The following XPO1 variants were observed in gnomAD, a reference collection of about 807,000 sequenced individuals.
The protein encoded by XPO1 is exportin-1.
XPO1 carries 5 observed loss-of-function variants against 133.3 expected under a neutral mutation model. The ratio of observed to expected loss-of-function variants is 0.04; its 90% confidence interval spans 0.02 to 0.08. The LOEUF is 0.08. Among genes scored for constraint, XPO1 ranks in the 10% least tolerant of loss-of-function variants. XPO1 has a pLI of 1.00. For missense variants in XPO1, 506 were observed against 1,267.5 expected, an observed-to-expected ratio of 0.40 and a Z score of 9.12; for synonymous variants, 419 against 408.2, an observed-to-expected ratio of 1.03 and a Z score of -0.32.
Position 61,478,020 on chromosome 2 carries a change from T to C in XPO1, c.*800A>G, listed in dbSNP as rs1696144498. ...AAACAATGTAAATTAGTATAAGTCATCTCAAAAGCCAGAGTTGTTTTGTTT... is the reference window on the plus strand; with the variant it reads ...AAACAATGTAAATTAGTATAAGTCACCTCAAAAGCCAGAGTTGTTTTGTTT... On this transcript the variant is annotated 3_prime_UTR_variant, in exon 25 of 25. Coordinates refer to ENST00000401558, the MANE Select transcript of XPO1 (RefSeq NM_003400.4). 8.6e-6 allele frequency: 2 copies of C among 232,506 alleles called. No individual in the cohort carries two copies. The highest frequency in any genetic ancestry group is 5.6e-5 in the Admixed American group (1 of 17,746). The allele number at this position is 232,506 out of a possible 1,614,324, so 14.4% of individuals were successfully genotyped here. A position where few individuals can be genotyped will look rare whatever the true frequency, so the allele number is the denominator to read the frequency against.
At chr2:61,487,221 T>C (rs899655121) in intron 19 of XPO1, among the ~76,000 whole-genome samples, 1 of 151,998 alleles carries the variant, frequency 6.6e-6, no homozygotes, top group Non-Finnish European at 1.5e-5. Flanking sequence ...TGAACAAATA[T>C]CCCAAACTTT....
chr2:61,515,147 A>C lies in XPO1; in HGVS notation c.301+7464T>G, dbSNP rs563927059. 3.0e-4 allele frequency among the ~76,000 whole-genome samples: 45 copies of C among 152,116 alleles called. No individual in the cohort carries two copies. The East Asian group carries it at 8.5e-3, about 29-fold the overall frequency. On this transcript the variant is annotated intron_variant, in intron 4 of 24. Coordinates refer to ENST00000401558, the MANE Select transcript of XPO1 (RefSeq NM_003400.4). Reference sequence around the variant, plus strand: ...CAAGTGACAACAAGCACATGTGAAGAGGGGCAGTGAAGGTGAAAGTAATCG... The same window carrying C: ...CAAGTGACAACAAGCACATGTGAAGCGGGGCAGTGAAGGTGAAAGTAATCG...
In XPO1 at chr2:61,477,980, G is replaced by A. The variant is rs181689035; in HGVS notation, c.*840C>T. 4.3e-6 allele frequency: 1 copy of A among 231,534 alleles called. No homozygotes were observed. Among genetic ancestry groups the A allele is most frequent in the Admixed American group, 5.6e-5 (1 of 17,716 alleles). 14.3% of individuals were successfully genotyped at this position (231,534 alleles called of 1,614,324 possible). A position where few individuals can be genotyped will look rare whatever the true frequency, so the allele number is the denominator to read the frequency against. On this transcript the variant is annotated 3_prime_UTR_variant, in exon 25 of 25. Coordinates refer to ENST00000401558, the MANE Select transcript of XPO1 (RefSeq NM_003400.4). Reference sequence around the variant, plus strand: ...TTGCTTTTTAAGTAGTGTTCTTAAAGCACTACAGCTTGGTAAACAATGTAA... The same window carrying A: ...TTGCTTTTTAAGTAGTGTTCTTAAAACACTACAGCTTGGTAAACAATGTAA...
chr2:61,518,439 C>G (rs1698517823), intron 4 of XPO1, among the ~76,000 whole-genome samples: 1 of 144,128 alleles, frequency 6.9e-6, no homozygotes, highest in African/African-American at 2.8e-5. Context: ...CACACACACA[C>G]ACACACACAC....
Position 61,478,767 on chromosome 2 carries a change from T to C in XPO1, c.*53A>G. On this transcript the variant is annotated 3_prime_UTR_variant, in exon 25 of 25. Coordinates refer to ENST00000401558, the MANE Select transcript of XPO1 (RefSeq NM_003400.4). ...TTTTGGTCGACAAATACCCACATGC[T>C]GTTTTCCTCTGCTAACGAGTTGCAG... 6.3e-7 allele frequency: 1 copy of C among 1,586,634 alleles called. No individual in the cohort carries two copies. The highest frequency in any genetic ancestry group is 1.3e-5 in the African/African-American group (1 of 74,396).
At chr2:61,528,768 T>C (rs1443273842) in intron 2 of XPO1, among the ~76,000 whole-genome samples, 2 of 91,432 alleles carry the variant, frequency 2.2e-5, no homozygotes, top group African/African-American at 3.8e-5. Flanking sequence ...TATATATATA[T>C]ATATATATAT....
intron 24 of XPO1, among the ~76,000 whole-genome samples, chr2:61,479,993 T>C (rs1696259512): frequency 6.6e-6 from 1 of 152,008 alleles, no homozygotes; most frequent in Non-Finnish European, 1.5e-5. Context: ...GCCTCCCGAG[T>C]AGCTGGGACT....
chr2:61,515,937 C>CA (rs1553412670), intron 4 of XPO1, among the ~76,000 whole-genome samples: 8,351 of 109,018 alleles, frequency 0.077, 379 homozygotes, highest in Non-Finnish European at 0.1. Context: ...AAAAAAAAAA[C>CA]CACACACACA....
intron 4 of XPO1, among the ~76,000 whole-genome samples, chr2:61,516,121 G>A (rs372284398): frequency 5.6e-5 from 8 of 143,270 alleles, no homozygotes; most frequent in African/African-American, 1.6e-4. Flanking sequence ...GCGAAACTCC[G>A]TCGCAAAATT....
chr2:61,516,291 G>C (rs1372150758), intron 4 of XPO1, among the ~76,000 whole-genome samples: 2 of 150,802 alleles, frequency 1.3e-5, no homozygotes, highest in Non-Finnish European at 2.9e-5. Flanking sequence ...GGCAACAACA[G>C]CGAAACTCCG....
At chr2:61,498,257 G>T (rs1479136531) in intron 9 of XPO1, among the ~76,000 whole-genome samples, 3 of 152,170 alleles carry the variant, frequency 2.0e-5, no homozygotes, top group African/African-American at 7.2e-5. Context: ...ACCACGCCTG[G>T]CTGTTTTGTA....
intron 12 of XPO1, chr2:61,493,660 A>ACGAAATT: frequency 2.3e-6 from 1 of 435,500 alleles, no homozygotes. Context: ...CAGGTGGCCA[A>ACGAAATT]TGAATTTGCC....
chr2:61,490,036 G>A (rs1205019316), intron 17 of XPO1, among the ~76,000 whole-genome samples: 19 of 150,394 alleles, frequency 1.3e-4, no homozygotes, highest in African/African-American at 4.4e-4. Flanking sequence ...GATTACAGGC[G>A]CCCACCACCA....
chr2:61,492,235 A>G lies in XPO1; in HGVS notation c.1724-37T>C. The G allele has an allele frequency of 1.2e-6, 2 of 1,609,004 alleles. No individual in the cohort carries two copies. Among genetic ancestry groups the G allele is most frequent in the Admixed American group, 1.7e-5 (1 of 58,716 alleles). On this transcript the variant is annotated intron_variant, in intron 15 of 24. Coordinates refer to ENST00000401558, the MANE Select transcript of XPO1 (RefSeq NM_003400.4). This position sits in a 1 kb window ranked among gnomAD's most constrained non-coding sequence, Gnocchi z 5.6. The stretch of plus-strand genomic sequence containing the variant: ...AAAATATTCATTTATTTTGTCCTGG[A>G]CTCCATCATGGGTCTCTAACAAGAC...
intron 2 of XPO1, among the ~76,000 whole-genome samples, chr2:61,530,102 C>A (rs1313114051): frequency 6.6e-6 from 1 of 152,140 alleles, no homozygotes; most frequent in Non-Finnish European, 1.5e-5. Flanking sequence ...AGCTAGATAA[C>A]CTTATCTAAC....
Position 61,522,694 on chromosome 2 carries a change from G to A in XPO1, c.229-11C>T, listed in dbSNP as rs2104752092. On this transcript the variant is annotated splice_polypyrimidine_tract_variant and intron_variant, in intron 3 of 24. Transcript: ENST00000401558. ...TTGTAGTCCATAGTACTGAAAATTG[G>A]AGAATAGAAGCATGTGAATATATTG... 4 of 1,596,940 alleles carry A rather than the reference G, an allele frequency of 2.5e-6. No individual in the cohort carries two copies. The South Asian group carries it at 4.4e-5, about 18-fold the overall frequency.
intron 2 of XPO1, among the ~76,000 whole-genome samples, chr2:61,527,078 T>C (rs1698937201): frequency 6.6e-6 from 1 of 151,804 alleles, no homozygotes. Context: ...GTAAATCTGG[T>C]TTATTTTTTA....
intron 3 of XPO1, chr2:61,526,107 T>C (rs1335283867): frequency 1.7e-6 from 2 of 1,143,050 alleles, no homozygotes; most frequent in South Asian, 5.8e-5. Flanking sequence ...AATTCCTTAA[T>C]GTTATGTTTA....
Position 61,533,817 on chromosome 2 carries a change from T to C in XPO1, c.81A>G (p.Leu27=). 2 of 1,609,072 alleles carry C rather than the reference T, an allele frequency of 1.2e-6. No individual in the cohort carries two copies. Among genetic ancestry groups the C allele is most frequent in the Non-Finnish European group, 8.5e-7 (1 of 1,178,222 alleles). The part of the protein sequence containing the change: ...LDFSQKLDIN[L]LDNVVNCLYH... ...ATAAGCAATTCACCACATTATCTAA[T>C]AAGTTGATATCCAGTTTTTGGCTGA... is the stretch of plus-strand genomic sequence containing the variant. The change falls in exon 2 of 25, where the codon TTA becomes TTG. Residue 27 remains leucine (L), a synonymous_variant. Transcript: ENST00000401558.
Sources: allele counts gnomAD v4.1 joint callset (sites outside exome capture counted in the v4.1 genomes callset), GRCh38; gene constraint gnomAD v4.1.1; non-coding constraint Gnocchi (gnomAD v3.1); transcripts MANE v1.5; gene names NCBI Gene and HGNC (gene_info 2026-07-23, HGNC 2026-07-21).